SLC35F2: variants seen among roughly 807,000 people sequenced by gnomAD.
SLC35F2 encodes queuine/queuosine transporter SLC35F2.
In SLC35F2, 25 loss-of-function variants were observed where a neutral mutation model predicts 38.1. The observed-to-expected ratio is 0.66, with a 90% CI of 0.48 to 0.92. The LOEUF (loss-of-function observed/expected upper bound fraction) is 0.92. Ranked by LOEUF, SLC35F2 falls within the 40% of genes least tolerant of loss-of-function variation. SLC35F2 has a pLI of 0.00. For missense variants in SLC35F2, 409 were observed against 452.9 expected (o/e 0.90, Z 0.88); for synonymous variants, 173 against 181.7 (o/e 0.95, Z 0.38).
intron 1 of SLC35F2, among the ~76,000 whole-genome samples, chr11:107,854,062 A>G (rs1370601139): frequency 6.6e-6 from 1 of 152,070 alleles, no homozygotes; most frequent in East Asian, 1.9e-4. Flanking sequence ...ACAAAAACTA[A>G]AATTAAAAAT....
At chr11:107,806,469 G>C (rs932567770) in intron 4 of SLC35F2, 25 of 436,930 alleles carry the variant, frequency 5.7e-5, no homozygotes, top group African/African-American at 4.8e-4. Context: ...AGATTTTATA[G>C]TATCAACTGT....
intron 1 of SLC35F2, among the ~76,000 whole-genome samples, chr11:107,855,388 C>T (rs1438915712): frequency 6.6e-6 from 1 of 152,160 alleles, no homozygotes; most frequent in Non-Finnish European, 1.5e-5. Context: ...GCGTGTGGCT[C>T]ACACCTGTAA....
At position 107,792,588 on chromosome 11, in the gene SLC35F2, G is replaced by A; in HGVS notation, c.*27C>T. The stretch of plus-strand genomic sequence containing the variant: ...GCAGCAGGCTCTGCTTTATCCTGGT[G>A]GGGGATGGGTGCGCCATCTTCTCCA... On this transcript the variant is annotated 3_prime_UTR_variant, in exon 8 of 8. Transcript: ENST00000525815. 1 of 1,577,204 alleles carries A rather than the reference G, an allele frequency of 6.3e-7. No individual in the cohort carries two copies. The highest frequency in any genetic ancestry group is 8.6e-7 in the Non-Finnish European group (1 of 1,163,230).
Position 107,811,753 on chromosome 11 carries a change from T to G in SLC35F2, c.328A>C (p.Lys110Gln), listed in dbSNP as rs753439744. 1.2e-6 allele frequency: 2 copies of G among 1,613,808 alleles called. No homozygotes were observed. Among genetic ancestry groups the G allele is most frequent in the Non-Finnish European group, 1.7e-6 (2 of 1,179,796 alleles). Residue 110 changes from lysine to glutamine, a missense_variant, in exon 3 of 8, where the codon AAG becomes CAG. Transcript: ENST00000525815. ...LLVILKRKWW[K>Q]YILLGLADVE... Reference sequence around the variant, plus strand: ...TCTGCTAGTCCCAGCAGGATGTACTTCCACCATTTTCTTTTCAAGATTACT... The same window carrying G: ...TCTGCTAGTCCCAGCAGGATGTACTGCCACCATTTTCTTTTCAAGATTACT...
intron 6 of SLC35F2, among the ~76,000 whole-genome samples, chr11:107,804,112 G>A (rs561745274): frequency 2.6e-5 from 4 of 151,488 alleles, no homozygotes; most frequent in South Asian, 2.1e-4. Flanking sequence ...CTGGGATTAC[G>A]GGCGTGAGCC....
chr11:107,843,866 AAAATATATATATATATATATATAT>A lies in SLC35F2; in HGVS notation c.110+14768_110+14791del, dbSNP rs1291599792. Reference sequence around the variant, plus strand: ...TATCTTAAAAAAAAAAAAAAAAAAAAAAATATATATATATATATATATATATATATATATATATATATGTATATT... The same window carrying A: ...TATCTTAAAAAAAAAAAAAAAAAAAAATATATATATATATATATGTATATT... On this transcript the variant is annotated intron_variant, in intron 1 of 7. Transcript: ENST00000525815. Among the ~76,000 whole-genome samples the A allele has an allele frequency of 5.5e-4, 21 of 38,488 alleles. 1 individual carries two copies. The highest frequency in any genetic ancestry group is 8.3e-4 in the Non-Finnish European group (20 of 24,200). The allele number at this position is 38,488 out of a possible 152,430, so 25.2% of individuals were successfully genotyped here. A position where few individuals can be genotyped will look rare whatever the true frequency, so the allele number is the denominator to read the frequency against.
At chr11:107,836,834 C>T (rs769040253) in intron 1 of SLC35F2, among the ~76,000 whole-genome samples, 20 of 152,228 alleles carry the variant, frequency 1.3e-4, no homozygotes, top group South Asian at 4.1e-4. Flanking sequence ...CAATAGAAAA[C>T]GAATATACAA....
chr11:107,811,354 G>T, intron 3 of SLC35F2: 2 of 559,136 alleles, frequency 3.6e-6, no homozygotes, highest in Non-Finnish European at 4.5e-6. Flanking sequence ...CATATGCCAT[G>T]TTTGAGCAGC....
intron 1 of SLC35F2, among the ~76,000 whole-genome samples, chr11:107,845,574 G>A (rs1430282495): frequency 2.0e-5 from 3 of 152,074 alleles, no homozygotes; most frequent in Admixed American, 6.6e-5. Flanking sequence ...GGATTTACCT[G>A]TGGTTTTTCA....
intron 1 of SLC35F2, among the ~76,000 whole-genome samples, chr11:107,836,025 T>C (rs1040445010): frequency 2.0e-5 from 3 of 152,172 alleles, no homozygotes; most frequent in Non-Finnish European, 4.4e-5. Context: ...GCGGACAGCA[T>C]TGTAAATTCT....
rs1859128440 is a variant in SLC35F2, at chr11:107,791,384, T to C, written c.*1231A>G. 6.6e-6 allele frequency: 1 copy of C among 152,148 alleles called. No homozygotes were observed. Among genetic ancestry groups the C allele is most frequent in the South Asian group, 2.1e-4 (1 of 4,834 alleles). 9.4% of individuals were successfully genotyped at this position (152,148 alleles called of 1,614,324 possible). On this transcript the variant is annotated 3_prime_UTR_variant, in exon 8 of 8. Coordinates refer to ENST00000525815, the MANE Select transcript of SLC35F2 (RefSeq NM_017515.5). ...TGAGCTGATGCTAAATAAAATGAGATCAATAGGAATATTCCAGGAGGTCGT... is the reference window on the plus strand; with the variant it reads ...TGAGCTGATGCTAAATAAAATGAGACCAATAGGAATATTCCAGGAGGTCGT...
intron 3 of SLC35F2, among the ~76,000 whole-genome samples, chr11:107,807,270 A>C (rs1859407561): frequency 1.1e-5 from 1 of 88,744 alleles, no homozygotes; most frequent in East Asian, 3.0e-4. Context: ...CCCTGTCTGT[A>C]CAAAAAAAAA....
At chr11:107,820,206 G>A (rs1027397340) in intron 1 of SLC35F2, among the ~76,000 whole-genome samples, 1 of 149,832 alleles carries the variant, frequency 6.7e-6, no homozygotes, top group Non-Finnish European at 1.5e-5. Context: ...AGTGAGCCGA[G>A]ATCATACCAC....
chr11:107,812,638 T>C (rs1403381764), intron 2 of SLC35F2, among the ~76,000 whole-genome samples: 1 of 152,208 alleles, frequency 6.6e-6, no homozygotes, highest in African/African-American at 2.4e-5. Flanking sequence ...CGTTTATCTA[T>C]GTAACAAACC....
At chr11:107,812,441 G>A (rs1433634502) in intron 2 of SLC35F2, among the ~76,000 whole-genome samples, 1 of 152,040 alleles carries the variant, frequency 6.6e-6, no homozygotes, top group African/African-American at 2.4e-5. Flanking sequence ...GGAGGTTGAG[G>A]TGAGGGCAGA....
At chr11:107,806,672 A>AT (rs1565429636) in intron 4 of SLC35F2, 45 bp downstream of exon 4, 1 of 1,358,656 alleles carries the variant, frequency 7.4e-7, no homozygotes, top group Admixed American at 1.9e-5. Context: ...GAAAACATAA[A>AT]CAAATTTGCT....
intron 1 of SLC35F2, among the ~76,000 whole-genome samples, chr11:107,839,731 G>A (rs760900866): frequency 3.9e-5 from 6 of 152,042 alleles, no homozygotes; most frequent in Non-Finnish European, 5.9e-5. Flanking sequence ...TCGGCTCATC[G>A]CAACCTCTGC....
chr11:107,811,186 C>T (rs1859473798), intron 3 of SLC35F2: 1 of 984,476 alleles, frequency 1.0e-6, no homozygotes, highest in South Asian at 4.7e-5. Flanking sequence ...TTCAATGCAG[C>T]AAGAATAAAC....
chr11:107,839,775 T>C (rs1859987405), intron 1 of SLC35F2, among the ~76,000 whole-genome samples: 1 of 152,122 alleles, frequency 6.6e-6, no homozygotes, highest in Non-Finnish European at 1.5e-5. Flanking sequence ...TGCCTCAGCC[T>C]CCTAAGTAGC....
Sources: gnomAD v4.1 joint callset for allele counts (sites outside exome capture counted in the v4.1 genomes callset) on GRCh38, gnomAD v4.1.1 for gene constraint, MANE v1.5 for transcripts, NCBI Gene and HGNC (gene_info 2026-07-23, HGNC 2026-07-21) for gene names.